CUX1: variants seen among roughly 807,000 people sequenced by gnomAD.
The protein encoded by CUX1 is protein CASP.
CUX1 carries 31 observed loss-of-function variants against 158.8 expected under a neutral mutation model. The ratio of observed to expected loss-of-function variants is 0.20; its 90% CI spans 0.15 to 0.26. The LOEUF (loss-of-function observed/expected upper bound fraction) is 0.26, where lower values mean the gene tolerates loss of function less well. Ranked by LOEUF, CUX1 falls within the 10% of genes least tolerant of loss-of-function variation. The pLI, the probability that CUX1 is intolerant of heterozygous loss-of-function variation, is 1.00. For missense variants in CUX1, 1,589 were observed against 2,014.6 expected, an observed-to-expected ratio of 0.79 and a Z score of 4.04; for synonymous variants, 879 against 862.1, an observed-to-expected ratio of 1.02 and a Z score of -0.34.
At chr7:102,221,435 C>T (rs551172917) in intron 20 of CUX1, among the ~76,000 whole-genome samples, 5 of 152,274 alleles carry the variant, frequency 3.3e-5, no homozygotes, top group African/African-American at 1.2e-4. Flanking sequence ...CAAATGAACA[C>T]TAAATGGAAT....
In CUX1 at chr7:102,170,497, T is replaced by A; in HGVS notation, c.775T>A (p.Ser259Thr). 3.8e-6 allele frequency: 6 copies of A among 1,593,994 alleles called. No individual in the cohort carries two copies. The highest frequency in any genetic ancestry group is 5.1e-6 in the Non-Finnish European group (6 of 1,169,930). Residue 259 changes from serine (S) to threonine (T), a missense_variant, in exon 10 of 24, where the codon TCG (serine) becomes ACG (threonine). Ser to Thr is a moderately conservative substitution (Grantham distance 58). Around this residue, in one of 8 missense-constraint regions of CUX1, gnomAD observed 515 missense variants for 574.4 expected, o/e 0.90. Transcript: ENST00000292535. ...GGAGACCTTAAGGGAACAGCTCTCA[T>A]CGGCCAATCACTCCCTCCAGCTGGC... ...EAETLREQLS[S>T]ANHSLQLASQ... is the part of the protein sequence containing the mutation.
At chr7:102,283,201 C>CCGCT in exon 23 of CUX1, 1 of 901,902 alleles carries the variant, frequency 1.1e-6, no homozygotes, top group Non-Finnish European at 1.8e-6. Context: ...CTGCCCTTAT[C>CCGCT]CGCTGTCCAG....
At chr7:101,864,983 T>C (rs10224064) in intron 1 of CUX1, among the ~76,000 whole-genome samples, 59,840 of 152,176 alleles carry the variant, frequency 0.39, 13,002 homozygotes, top group East Asian at 0.89. Flanking sequence ...ATCTCCCACA[T>C]GGTATTATTC....
intron 9 of CUX1, among the ~76,000 whole-genome samples, chr7:102,164,973 C>T (rs1259940198): frequency 1.3e-5 from 2 of 152,168 alleles, no homozygotes; most frequent in Non-Finnish European, 2.9e-5. Context: ...AAAGGCCACA[C>T]TCTGAAAGTG....
rs906664965 is a variant in CUX1, at chr7:101,987,332, A to G, written c.142-40766A>G. On this transcript the variant is annotated intron_variant, in intron 2 of 23. Coordinates refer to ENST00000292535, the MANE Select transcript of CUX1 (RefSeq NM_181552.4). ...TCCCCAAGCTACGGGAAAGGGGTGC[A>G]TATGGACCGCTGCTCACTCACGGCT... Among the ~76,000 whole-genome samples the G allele has an allele frequency of 2.0e-5, 3 of 152,174 alleles. No homozygotes were observed. In the East Asian group the frequency reaches 5.8e-4, roughly 29 times the overall value.
chr7:102,051,450 C>T (rs1200184898), intron 3 of CUX1, among the ~76,000 whole-genome samples: 5 of 151,694 alleles, frequency 3.3e-5, no homozygotes, highest in African/African-American at 9.7e-5. Context: ...GAGTTTGAGA[C>T]CAGCCTGGCC....
At position 101,925,059 on chromosome 7, in the gene CUX1, G is replaced by A. The variant is rs559437583; in HGVS notation, c.141+8834G>A. Reference sequence around the variant, plus strand: ...CCCAGCCTCATTTTCCTTTCATCACGTTGAGCCCATTGAGTTGGCTTCATT... The same window carrying A: ...CCCAGCCTCATTTTCCTTTCATCACATTGAGCCCATTGAGTTGGCTTCATT... On this transcript the variant is annotated intron_variant, in intron 2 of 23. Transcript: ENST00000292535. Among the ~76,000 whole-genome samples the A allele has an allele frequency of 9.9e-5, 15 of 152,230 alleles. No homozygotes were observed. The East Asian group carries it at 1.7e-3, about 18-fold the overall frequency.
chr7:102,168,908 C>CTTTTTTTT (rs1563341626), intron 9 of CUX1, among the ~76,000 whole-genome samples: 19 of 121,980 alleles, frequency 1.6e-4, no homozygotes, highest in African/African-American at 4.5e-4. Context: ...CTTTTCTTTT[C>CTTTTTTTT]TTTTATTTTC....
At chr7:102,039,699 T>C (rs1262999363) in intron 3 of CUX1, among the ~76,000 whole-genome samples, 2 of 150,872 alleles carry the variant, frequency 1.3e-5, no homozygotes, top group East Asian at 3.9e-4. Flanking sequence ...TCATCTTGCA[T>C]ACAGTGCTCT....
chr7:102,236,954 C>T (rs1371907166), intron 22 of CUX1, among the ~76,000 whole-genome samples: 1 of 152,162 alleles, frequency 6.6e-6, no homozygotes, highest in South Asian at 2.1e-4. Context: ...CGCTGTGGTC[C>T]GATGGCCTTC....
chr7:102,150,779 C>G (rs1442741213), intron 8 of CUX1, among the ~76,000 whole-genome samples: 1 of 152,200 alleles, frequency 6.6e-6, no homozygotes, highest in Non-Finnish European at 1.5e-5. Flanking sequence ...CTGAAATGAT[C>G]TGTGGTGAAC....
At chr7:102,073,979 G>A (rs1826426729) in intron 4 of CUX1, among the ~76,000 whole-genome samples, 1 of 152,152 alleles carries the variant, frequency 6.6e-6, no homozygotes, top group African/African-American at 2.4e-5. Context: ...TACAAATGCT[G>A]TGATCTGCCA....
At chr7:102,045,596 C>T (rs559136935) in intron 3 of CUX1, among the ~76,000 whole-genome samples, 24 of 152,270 alleles carry the variant, frequency 1.6e-4, no homozygotes, top group Non-Finnish European at 3.2e-4. Context: ...CAAGCTGGAG[C>T]GATTACAAAT....
At chr7:102,234,809 A>G (rs1184237395) in intron 22 of CUX1, among the ~76,000 whole-genome samples, 2 of 151,414 alleles carry the variant, frequency 1.3e-5, no homozygotes, top group Non-Finnish European at 2.9e-5. Flanking sequence ...GTGCGCCTCT[A>G]TAATCCCAAC....
rs905647771 is a variant in CUX1, at chr7:101,935,685, C to T, written c.141+19460C>T. ...AGGGCTCTGGGGATGTGTAGGAACC[C>T]GGACCTGGTGTGGCAATGGTGTGGG... On this transcript the variant is annotated intron_variant, in intron 2 of 23. Transcript: ENST00000292535. Among the ~76,000 whole-genome samples, 5 of 152,148 alleles carry T rather than the reference C, an allele frequency of 3.3e-5. No individual in the cohort carries two copies. The South Asian group carries it at 8.3e-4, about 25-fold the overall frequency.
intron 2 of CUX1, among the ~76,000 whole-genome samples, chr7:101,972,432 T>G (rs899156954): frequency 5.9e-5 from 9 of 152,208 alleles, no homozygotes; most frequent in African/African-American, 2.2e-4. Flanking sequence ...TTTTCTTGCC[T>G]CCTCGGACGG....
At chr7:101,965,848 CAAAAA>C (rs36052208) in intron 2 of CUX1, among the ~76,000 whole-genome samples, 110 of 50,160 alleles carry the variant, frequency 2.2e-3, no homozygotes, top group Admixed American at 1.0e-2. Flanking sequence ...GACTCCATCT[CAAAAA>C]AAAAAAAAAA....
chr7:102,154,738 G>A (rs186118318), intron 8 of CUX1, among the ~76,000 whole-genome samples: 2 of 152,364 alleles, frequency 1.3e-5, no homozygotes, highest in Non-Finnish European at 2.9e-5. Context: ...ATGGAAGACA[G>A]AAGTAGCTAT....
At chr7:102,136,953 A>G (rs1169448145) in intron 8 of CUX1, among the ~76,000 whole-genome samples, 1 of 151,930 alleles carries the variant, frequency 6.6e-6, no homozygotes, top group Admixed American at 6.6e-5. Flanking sequence ...TGTGTTTACC[A>G]AGAAACATAG....
Sources: allele counts gnomAD v4.1 joint callset (sites outside exome capture counted in the v4.1 genomes callset), GRCh38; gene constraint gnomAD v4.1.1; regional missense constraint gnomAD v4.1.1; transcripts MANE v1.5; gene names NCBI Gene and HGNC (gene_info 2026-07-23, HGNC 2026-07-21).